GRM7: variants seen among roughly 807,000 people sequenced by gnomAD.
GRM7 encodes the protein metabotropic glutamate receptor 7.
GRM7 carries 35 observed loss-of-function variants against 84.5 expected under a neutral mutation model. The ratio of observed to expected loss-of-function variants is 0.41; its 90% CI spans 0.32 to 0.55. The LOEUF is 0.55. Among genes scored for constraint, GRM7 ranks in the 20% least tolerant of loss-of-function variants. The probability of loss-of-function intolerance (pLI) is 0.19; values close to 1 mark genes in which losing one functional copy is unlikely to be tolerated. For synonymous variants in GRM7, 487 were observed against 455.1 expected (o/e 1.07, Z -0.89); for missense variants, 1,003 against 1,194.6 (o/e 0.84, Z 2.36).
rs539229305 is a variant in GRM7, at chr3:7,278,371, C to T, written c.737-20313C>T. Among the ~76,000 whole-genome samples the T allele has an allele frequency of 2.6e-5, 4 of 152,100 alleles. No homozygotes were observed. In the South Asian group the frequency reaches 8.3e-4, roughly 32 times the overall value. Reference sequence around the variant, plus strand: ...TAGAATCTGTTTCATTTGAGCAAATCACTGCTCAGATAAATGAAAGAAAAC... The same window carrying T: ...TAGAATCTGTTTCATTTGAGCAAATTACTGCTCAGATAAATGAAAGAAAAC... On this transcript the variant is annotated intron_variant, in intron 2 of 9. Coordinates refer to ENST00000357716, the MANE Select transcript of GRM7 (RefSeq NM_000844.4).
intron 9 of GRM7, chr3:7,681,228 G>C (rs1435292745): frequency 6.6e-6 from 1 of 152,168 alleles, no homozygotes; most frequent in African/African-American, 2.4e-5. Context: ...TGTTGTTTAA[G>C]GCAGAAGGGA....
chr3:6,922,610 A>C (rs914853848), intron 1 of GRM7, among the ~76,000 whole-genome samples: 1 of 152,364 alleles, frequency 6.6e-6, no homozygotes, highest in African/African-American at 2.4e-5. Flanking sequence ...ATACTTCATT[A>C]GATCACAAAT....
intron 7 of GRM7, among the ~76,000 whole-genome samples, chr3:7,519,561 C>G (rs1700515643): frequency 6.6e-6 from 1 of 152,044 alleles, no homozygotes; most frequent in Non-Finnish European, 1.5e-5. Flanking sequence ...TTAAAGAGGT[C>G]ATAGATAATT....
chr3:7,328,286 C>T (rs1247642515), intron 4 of GRM7, among the ~76,000 whole-genome samples: 2 of 152,072 alleles, frequency 1.3e-5, no homozygotes, highest in Non-Finnish European at 2.9e-5. Context: ...CTGTGGATAC[C>T]CTGATAATGT....
At chr3:7,017,798 T>C (rs1040117320) in intron 1 of GRM7, among the ~76,000 whole-genome samples, 4 of 152,192 alleles carry the variant, frequency 2.6e-5, no homozygotes, top group Non-Finnish European at 5.9e-5. Flanking sequence ...CCTAGAGAAT[T>C]ACTGTGAGCT....
intron 1 of GRM7, among the ~76,000 whole-genome samples, chr3:6,870,857 T>C (rs139627579): frequency 4.6e-5 from 7 of 152,182 alleles, no homozygotes; most frequent in East Asian, 1.9e-4. Context: ...AAAGATTCAA[T>C]TGGGGTGGAA....
rs1696893432 is a variant in GRM7, at chr3:7,048,938, T to G, written c.520-97514T>G. 2.0e-5 allele frequency among the ~76,000 whole-genome samples: 3 copies of G among 152,002 alleles called. No individual in the cohort carries two copies. In the South Asian group the frequency reaches 6.2e-4, roughly 31 times the overall value. On this transcript the variant is annotated intron_variant, in intron 1 of 9. Coordinates refer to ENST00000357716, the MANE Select transcript of GRM7 (RefSeq NM_000844.4). ...TCTATTTTCCTGTGTTTATGCCATC[T>G]CTTTCCTTTAAGAATTTGTTCCTTG...
At chr3:7,620,467 G>C (rs1293107178) in intron 8 of GRM7, among the ~76,000 whole-genome samples, 2 of 152,080 alleles carry the variant, frequency 1.3e-5, no homozygotes, top group African/African-American at 4.8e-5. Flanking sequence ...TATAGCCATA[G>C]CTATATTACT....
chr3:7,324,130 T>A (rs1434714780), intron 4 of GRM7, among the ~76,000 whole-genome samples: 1 of 152,134 alleles, frequency 6.6e-6, no homozygotes, highest in Non-Finnish European at 1.5e-5. Flanking sequence ...GGACCAGGAC[T>A]CCATTTATTT....
chr3:7,338,285 A>C (rs1279134876), intron 4 of GRM7, among the ~76,000 whole-genome samples: 2 of 151,886 alleles, frequency 1.3e-5, no homozygotes, highest in Admixed American at 6.6e-5. Flanking sequence ...TATAAGAGGG[A>C]GCTAAGTTAT....
chr3:7,470,284 T>G (rs1698645477), intron 7 of GRM7, among the ~76,000 whole-genome samples: 1 of 152,246 alleles, frequency 6.6e-6, no homozygotes, highest in Non-Finnish European at 1.5e-5. Flanking sequence ...AGCAATAATA[T>G]GTCAATACCG....
chr3:6,899,900 T>TGA (rs761720423), intron 1 of GRM7, among the ~76,000 whole-genome samples: 26 of 152,286 alleles, frequency 1.7e-4, no homozygotes, highest in Middle Eastern at 3.4e-3. Flanking sequence ...GGTGTGTGTG[T>TGA]GACATAAACC....
chr3:7,416,263 G>A (rs1696154037), intron 5 of GRM7, among the ~76,000 whole-genome samples: 1 of 152,122 alleles, frequency 6.6e-6, no homozygotes, highest in Non-Finnish European at 1.5e-5. Flanking sequence ...CCATGGAAGG[G>A]TGTTACACAA....
At chr3:7,654,799 G>A (rs1434597083) in intron 8 of GRM7, among the ~76,000 whole-genome samples, 1 of 152,194 alleles carries the variant, frequency 6.6e-6, no homozygotes, top group South Asian at 2.1e-4. Flanking sequence ...ACAAATTTTT[G>A]TTCTTACGAA....
intron 2 of GRM7, among the ~76,000 whole-genome samples, chr3:7,212,893 T>C (rs1696477305): frequency 1.3e-5 from 2 of 152,182 alleles, no homozygotes; most frequent in Admixed American, 1.3e-4. Context: ...TGTATGCCTG[T>C]GTGCCCTAGT....
At chr3:7,676,681 G>T (rs1039998710) in intron 8 of GRM7, among the ~76,000 whole-genome samples, 4 of 152,068 alleles carry the variant, frequency 2.6e-5, no homozygotes, top group Admixed American at 2.0e-4. Flanking sequence ...TGATCTGCCC[G>T]CCTCGGCCTC....
intron 2 of GRM7, among the ~76,000 whole-genome samples, chr3:7,247,602 T>TAA (rs1223872815): frequency 3.4e-3 from 347 of 102,554 alleles, no homozygotes; most frequent in African/African-American, 0.011. Context: ...TCTTTTTTTT[T>TAA]AAAAAAAAAA....
intron 2 of GRM7, among the ~76,000 whole-genome samples, chr3:7,158,976 CTTG>C (rs1191584280): frequency 6.6e-6 from 1 of 152,060 alleles, no homozygotes; most frequent in African/African-American, 2.4e-5. Flanking sequence ...TAGTGATTTT[CTTG>C]TTGTCAGTTC....
At chr3:7,536,108 G>C (rs1043207599) in intron 7 of GRM7, among the ~76,000 whole-genome samples, 5 of 152,176 alleles carry the variant, frequency 3.3e-5, no homozygotes, top group African/African-American at 1.2e-4. Flanking sequence ...TACCAAAAGT[G>C]TGTGGTGGCT....
Sources: allele counts gnomAD v4.1 joint callset (sites outside exome capture counted in the v4.1 genomes callset), GRCh38; gene constraint gnomAD v4.1.1; transcripts MANE v1.5; gene names NCBI Gene and HGNC (gene_info 2026-07-23, HGNC 2026-07-21).